The following FSIP1 variants were observed in gnomAD, a reference collection of about 807,000 sequenced individuals.
FSIP1 encodes the protein fibrous sheath interacting protein 1, also known as fibrous sheath-interacting protein 1.
A neutral mutation model predicts 60.9 loss-of-function variants in FSIP1; 65 were observed. The ratio of observed to expected loss-of-function variants is 1.07; its 90% confidence interval spans 0.87 to 1.31. FSIP1 has a LOEUF of 1.31. Among genes scored for constraint, FSIP1 ranks in the 40% most tolerant of loss-of-function variants. The pLI, the probability that FSIP1 is intolerant of heterozygous loss-of-function variation, is 0.00. For missense variants in FSIP1, 675 were observed against 665.5 expected, an observed-to-expected ratio of 1.01 and a Z score of -0.16; for synonymous variants, 209 against 221.2, an observed-to-expected ratio of 0.94 and a Z score of 0.49.
At chr15:39,749,390 T>C (rs1222627391) in intron 5 of FSIP1, among the ~76,000 whole-genome samples, 1 of 150,362 alleles carries the variant, frequency 6.7e-6, no homozygotes, top group African/African-American at 2.5e-5. Context: ...GAATCTCTGA[T>C]GAACATTGAT....
intron 10 of FSIP1, among the ~76,000 whole-genome samples, chr15:39,670,909 T>C (rs1474736952): frequency 6.6e-6 from 1 of 152,214 alleles, no homozygotes; most frequent in East Asian, 1.9e-4. Context: ...AATTCAGTCA[T>C]ATTCTTCACT....
intron 10 of FSIP1, among the ~76,000 whole-genome samples, chr15:39,686,673 G>A (rs1894384263): frequency 6.6e-6 from 1 of 152,182 alleles, no homozygotes; most frequent in Non-Finnish European, 1.5e-5. Context: ...CTGCAGACTG[G>A]GTAGAATGTA....
chr15:39,679,898 T>C (rs146608734), intron 10 of FSIP1, among the ~76,000 whole-genome samples: 7 of 152,338 alleles, frequency 4.6e-5, no homozygotes, highest in African/African-American at 1.7e-4. Flanking sequence ...ATATTATTTA[T>C]AGATTATAAA....
chr15:39,625,175 G>A (rs1024864724), intron 10 of FSIP1, among the ~76,000 whole-genome samples: 3 of 152,194 alleles, frequency 2.0e-5, no homozygotes, highest in Admixed American at 1.3e-4. Flanking sequence ...AGAGGCTGCT[G>A]TGGCCCTGGG....
intron 10 of FSIP1, among the ~76,000 whole-genome samples, chr15:39,636,262 G>A (rs1892134501): frequency 2.6e-5 from 4 of 152,190 alleles, no homozygotes; most frequent in Non-Finnish European, 5.9e-5. Flanking sequence ...ATAAATTCAA[G>A]CCATCTAAAG....
intron 5 of FSIP1, among the ~76,000 whole-genome samples, chr15:39,753,676 C>T (rs1410796432): frequency 6.6e-6 from 1 of 151,692 alleles, no homozygotes; most frequent in African/African-American, 2.4e-5. Flanking sequence ...AATTTCAACA[C>T]TAAGTTCTTA....
chr15:39,612,427 T>C (rs1446126447), intron 11 of FSIP1, among the ~76,000 whole-genome samples: 1 of 151,828 alleles, frequency 6.6e-6, no homozygotes, highest in Non-Finnish European at 1.5e-5. Context: ...AAAAAGGAAA[T>C]CAAACTATAT....
intron 10 of FSIP1, among the ~76,000 whole-genome samples, chr15:39,647,736 G>C (rs937291659): frequency 6.6e-6 from 1 of 151,826 alleles, no homozygotes; most frequent in Non-Finnish European, 1.5e-5. Flanking sequence ...ATGAATAGGA[G>C]AGGGAAGGCA....
In FSIP1 at chr15:39,710,243, G is replaced by C. The variant is rs538052576; in HGVS notation, c.1188+3201C>G. On this transcript the variant is annotated intron_variant, in intron 10 of 11. Coordinates refer to ENST00000350221, the MANE Select transcript of FSIP1 (RefSeq NM_152597.5). ...CAAGCCTGTAATCCCAGCACTCCAG[G>C]AGGCCAAGGTGGACAGATTGCTTGA... is the stretch of plus-strand genomic sequence containing the variant. Among the ~76,000 whole-genome samples, 3 of 152,176 alleles carry C rather than the reference G, an allele frequency of 2.0e-5. No homozygotes were observed. The South Asian group carries it at 6.2e-4, about 32-fold the overall frequency.
intron 10 of FSIP1, among the ~76,000 whole-genome samples, chr15:39,651,574 TGG>T (rs1046132454): frequency 2.6e-5 from 4 of 152,248 alleles, no homozygotes; most frequent in African/African-American, 9.6e-5. Context: ...AGAGTTGTCC[TGG>T]GTGTTCAAAA....
chr15:39,649,971 T>C (rs537412855), intron 10 of FSIP1, among the ~76,000 whole-genome samples: 2 of 152,364 alleles, frequency 1.3e-5, no homozygotes, highest in South Asian at 4.1e-4. Flanking sequence ...CCTGCTGGCC[T>C]GGCTCAAATG....
chr15:39,725,541 G>A (rs1256303474), intron 9 of FSIP1, among the ~76,000 whole-genome samples: 2 of 152,150 alleles, frequency 1.3e-5, no homozygotes, highest in Non-Finnish European at 2.9e-5. Flanking sequence ...TGAATCAGAA[G>A]GATTACCTAT....
intron 10 of FSIP1, among the ~76,000 whole-genome samples, chr15:39,656,418 T>C (rs1441985059): frequency 6.6e-6 from 1 of 152,216 alleles, no homozygotes; most frequent in African/African-American, 2.4e-5. Flanking sequence ...CTAAATCTTG[T>C]CCTCTTTCTG....
intron 3 of FSIP1, 46 bp from the exon 4 acceptor site, chr15:39,765,792 T>G (rs745588170): frequency 1.8e-6 from 2 of 1,098,828 alleles, no homozygotes; most frequent in African/African-American, 3.2e-5. Context: ...ATAGTAAAAC[T>G]ATAAAGTTTT....
At position 39,760,743 on chromosome 15, in the gene FSIP1, A is replaced by G. The variant is rs144719902; in HGVS notation, c.559+3078T>C. Among the ~76,000 whole-genome samples the G allele has an allele frequency of 5.4e-3, 829 of 152,282 alleles. 5 individuals carry two copies. Among genetic ancestry groups the G allele is most frequent in the African/African-American group, 0.019 (774 of 41,550 alleles). ...TTGGATACTAGTAAATAAAAAGGACATTAGTGGGAAAACTGGTAAATTTTT... is the reference window on the plus strand; with the variant it reads ...TTGGATACTAGTAAATAAAAAGGACGTTAGTGGGAAAACTGGTAAATTTTT... On this transcript the variant is annotated intron_variant, in intron 5 of 11. Coordinates refer to ENST00000350221, the MANE Select transcript of FSIP1 (RefSeq NM_152597.5).
intron 10 of FSIP1, among the ~76,000 whole-genome samples, chr15:39,687,219 A>C (rs1894418384): frequency 8.0e-6 from 1 of 124,812 alleles, no homozygotes; most frequent in African/African-American, 3.1e-5. Context: ...CAATAGCGTG[A>C]TCTTGGCTCA....
At chr15:39,727,448 G>C (rs1368910449) in intron 8 of FSIP1, among the ~76,000 whole-genome samples, 2 of 152,190 alleles carry the variant, frequency 1.3e-5, no homozygotes, top group African/African-American at 4.8e-5. Context: ...GCAGGAAGGG[G>C]CTGGAGAAAA....
intron 10 of FSIP1, among the ~76,000 whole-genome samples, chr15:39,684,434 A>G (rs924725426): frequency 6.6e-6 from 1 of 152,130 alleles, no homozygotes; most frequent in African/African-American, 2.4e-5. Flanking sequence ...CATAGAGCAC[A>G]TAGTCCATAA....
At chr15:39,755,657 T>C (rs16969794) in intron 5 of FSIP1, among the ~76,000 whole-genome samples, 1,594 of 152,208 alleles carry the variant, frequency 0.01, 27 homozygotes, top group African/African-American at 0.036. Context: ...TTTCTTTGAG[T>C]ATTTAACCCA....
Sources: allele counts gnomAD v4.1 joint callset (sites outside exome capture counted in the v4.1 genomes callset), GRCh38; gene constraint gnomAD v4.1.1; transcripts MANE v1.5; gene names NCBI Gene and HGNC (gene_info 2026-07-23, HGNC 2026-07-21).